DIAPH2: variants seen among roughly 807,000 people sequenced by gnomAD.
DIAPH2 encodes the protein diaphanous related formin 2, also known as protein diaphanous homolog 2.
In DIAPH2, 35 loss-of-function variants were observed where a neutral mutation model predicts 92.7. That is an observed-to-expected ratio of 0.38 (90% CI 0.29 to 0.50). DIAPH2 has a LOEUF of 0.50. DIAPH2 is among the 20% of genes least tolerant of loss of function. The probability of loss-of-function intolerance (pLI) is 0.94; values close to 1 mark genes in which losing one functional copy is unlikely to be tolerated. For synonymous variants in DIAPH2, 301 were observed against 280.4 expected (o/e 1.07, Z -0.73); for missense variants, 701 against 819.5 (o/e 0.86, Z 1.77).
intron 1 of DIAPH2, among the ~76,000 whole-genome samples, chrX:96,710,065 C>A (rs1158790504): frequency 9.0e-6 from 1 of 111,554 alleles, no homozygotes; most frequent in African/African-American, 3.3e-5. Context: ...CTTTCTGGAA[C>A]ATTTGTGGTT....
At chrX:96,887,960 C>T (rs761809011) in intron 5 of DIAPH2, among the ~76,000 whole-genome samples, 4 of 108,851 alleles carry the variant, frequency 3.7e-5, no homozygotes, top group Admixed American at 9.8e-5. Flanking sequence ...ATGTGTTGTG[C>T]GTGTGTGTAT....
intron 21 of DIAPH2, among the ~76,000 whole-genome samples, chrX:97,123,372 A>G (rs771159709): frequency 3.3e-4 from 37 of 112,226 alleles, no homozygotes; most frequent in Non-Finnish European, 5.8e-4. Context: ...ATGTAAATCA[A>G]TACACCAAAA....
At chrX:96,741,616 C>T (rs1323854494) in intron 3 of DIAPH2, among the ~76,000 whole-genome samples, 1 of 109,396 alleles carries the variant, frequency 9.1e-6, no homozygotes, top group Non-Finnish European at 1.9e-5. Context: ...ACTGGGACCA[C>T]AGGCATGCAG....
intron 26 of DIAPH2, among the ~76,000 whole-genome samples, chrX:97,461,793 G>C (rs1449508644): frequency 9.0e-6 from 1 of 111,116 alleles, no homozygotes; most frequent in Non-Finnish European, 1.9e-5. Context: ...CTTCCTCTAG[G>C]CTTTTCTGTA....
rs766236262 is a variant in DIAPH2, at chrX:97,392,304, G to A, written c.3145+8260G>A. Among the ~76,000 whole-genome samples, 13 of 111,597 alleles carry A rather than the reference G, an allele frequency of 1.2e-4. No individual in the cohort carries two copies. In the South Asian group the frequency reaches 3.4e-3, roughly 29 times the overall value. On this transcript the variant is annotated intron_variant, in intron 25 of 26. Coordinates refer to ENST00000324765, the MANE Select transcript of DIAPH2 (RefSeq NM_006729.5). ...AGAATATACTTGCTGCTGCTGACAC[G>A]ATGAAAGAGTCATTTTTATGCTTCT... is the stretch of plus-strand genomic sequence containing the variant.
At chrX:96,754,540 T>A (rs2064212583) in intron 3 of DIAPH2, among the ~76,000 whole-genome samples, 1 of 111,377 alleles carries the variant, frequency 9.0e-6, no homozygotes, top group Admixed American at 9.6e-5. Flanking sequence ...ATATTTCATG[T>A]CCAATCATTG....
chrX:97,042,399 AT>A (rs1478499744), intron 17 of DIAPH2, among the ~76,000 whole-genome samples: 1 of 111,733 alleles, frequency 8.9e-6, no homozygotes, highest in African/African-American at 3.2e-5. Context: ...TTATGTTTTC[AT>A]TGAGTGAATA....
chrX:96,887,603 T>G (rs971187859), intron 5 of DIAPH2, among the ~76,000 whole-genome samples: 8 of 112,026 alleles, frequency 7.1e-5, no homozygotes, highest in Non-Finnish European at 1.5e-4. Context: ...GCCAATATAA[T>G]AATCTTACTA....
chrX:97,181,254 A>G (rs2067537243), intron 22 of DIAPH2, among the ~76,000 whole-genome samples: 1 of 109,491 alleles, frequency 9.1e-6, no homozygotes, highest in Non-Finnish European at 1.9e-5. Context: ...TTTAGTAGAG[A>G]TGGATTTTTG....
At chrX:96,741,914 C>G (rs2064122369) in intron 3 of DIAPH2, among the ~76,000 whole-genome samples, 1 of 112,072 alleles carries the variant, frequency 8.9e-6, no homozygotes, top group Admixed American at 9.5e-5. Context: ...CACTCCTTTT[C>G]AGTCTTCTTT....
intron 22 of DIAPH2, among the ~76,000 whole-genome samples, chrX:97,195,379 G>C (rs995159562): frequency 1.1e-4 from 12 of 111,470 alleles, no homozygotes; most frequent in African/African-American, 3.6e-4. Context: ...GGATAGATTA[G>C]GCCAGGCGCA....
chrX:97,542,331 T>C (rs937038094), intron 26 of DIAPH2, among the ~76,000 whole-genome samples: 1 of 112,044 alleles, frequency 8.9e-6, no homozygotes, highest in South Asian at 3.8e-4. Context: ...TAGTGGAGGC[T>C]TATAGGAGAG....
In DIAPH2 at chrX:96,916,529, T is replaced by C. The variant is rs2065505904; in HGVS notation, c.824T>C (p.Ile275Thr). ...DPKQPNMMTE[I>T]VKILSAICIV... ...AAACAACCCAACATGATGACTGAAA[T>C]AGTAAAAATACTTTCTGCTATTTGC... is the stretch of plus-strand genomic sequence containing the variant. The change falls in exon 8 of 27, where the codon ATA becomes ACA. Residue 275 changes from isoleucine to threonine, a missense_variant. This residue lies in a region of DIAPH2 where 34 missense variants were observed against 74.7 expected (regional missense o/e 0.46). Coordinates refer to ENST00000324765, the MANE Select transcript of DIAPH2 (RefSeq NM_006729.5). The C allele has an allele frequency of 8.3e-7, 1 of 1,199,146 alleles. No individual in the cohort carries two copies. Among genetic ancestry groups the C allele is most frequent in the South Asian group, 1.8e-5 (1 of 55,149 alleles).
intron 22 of DIAPH2, among the ~76,000 whole-genome samples, chrX:97,245,624 G>T (rs1269341388): frequency 9.1e-6 from 1 of 110,045 alleles, no homozygotes; most frequent in Non-Finnish European, 1.9e-5. Context: ...TATTGTCCAG[G>T]CTGGCCTTGA....
chrX:96,963,249 G>A (rs575081696), intron 16 of DIAPH2, among the ~76,000 whole-genome samples: 2 of 111,346 alleles, frequency 1.8e-5, no homozygotes, highest in South Asian at 3.8e-4. Flanking sequence ...TAGAGTGCTG[G>A]GACCTGGTCT....
At chrX:97,049,686 G>A (rs1272351129) in intron 17 of DIAPH2, among the ~76,000 whole-genome samples, 1 of 110,738 alleles carries the variant, frequency 9.0e-6, no homozygotes, top group Non-Finnish European at 1.9e-5. Context: ...CATACACTCA[G>A]TGTTCTCCTT....
chrX:97,266,588 T>C (rs1044505869), intron 23 of DIAPH2, among the ~76,000 whole-genome samples: 3 of 111,963 alleles, frequency 2.7e-5, no homozygotes, highest in East Asian at 2.8e-4. Context: ...TCTCCACTTA[T>C]GTAATTCTCT....
At chrX:96,836,723 T>A (rs866458909) in intron 4 of DIAPH2, among the ~76,000 whole-genome samples, 64 of 38,719 alleles carry the variant, frequency 1.7e-3, no homozygotes, top group African/African-American at 9.4e-3. Flanking sequence ...ATATATTTTT[T>A]TTTTTTTTTT....
intron 17 of DIAPH2, among the ~76,000 whole-genome samples, chrX:97,000,297 C>T (rs746175171): frequency 2.7e-5 from 3 of 111,690 alleles, no homozygotes; most frequent in Non-Finnish European, 5.6e-5. Context: ...CATTATTTCC[C>T]AATTGTCCAC....
Sources: allele counts gnomAD v4.1 joint callset (sites outside exome capture counted in the v4.1 genomes callset), GRCh38; gene constraint gnomAD v4.1.1; regional missense constraint gnomAD v4.1.1; transcripts MANE v1.5; gene names NCBI Gene and HGNC (gene_info 2026-07-23, HGNC 2026-07-21).